Variants in HTR2C observed in about 807,000 individuals in gnomAD.
HTR2C encodes the protein 5-hydroxytryptamine receptor 2C.
In HTR2C, 5 loss-of-function variants were observed where a neutral mutation model predicts 21.0. That is an observed-to-expected ratio of 0.24 (90% CI 0.12 to 0.50). HTR2C has a LOEUF of 0.50. Among genes scored for constraint, HTR2C ranks in the 20% least tolerant of loss-of-function variants. The pLI, the probability that HTR2C is intolerant of heterozygous loss-of-function variation, is 0.98. For synonymous variants in HTR2C, 150 were observed against 145.3 expected, an observed-to-expected ratio of 1.03 and a Z score of -0.23; for missense variants, 271 against 371.2, an observed-to-expected ratio of 0.73 and a Z score of 2.22.
chrX:114,784,599 T>C (rs1032001098), intron 4 of HTR2C, among the ~76,000 whole-genome samples: 3 of 107,593 alleles, frequency 2.8e-5, no homozygotes, highest in African/African-American at 1.0e-4. Flanking sequence ...CACATGGCCT[T>C]CTTCTTGTAC....
At chrX:114,889,381 A>C (rs1210657850) in intron 5 of HTR2C, among the ~76,000 whole-genome samples, 1 of 111,700 alleles carries the variant, frequency 9.0e-6, no homozygotes, top group Non-Finnish European at 1.9e-5. Context: ...CCTTACTTGC[A>C]CAGAGCCTCA....
intron 4 of HTR2C, among the ~76,000 whole-genome samples, chrX:114,814,870 A>C (rs1302235648): frequency 4.0e-5 from 4 of 101,173 alleles, no homozygotes; most frequent in Non-Finnish European, 7.9e-5. Context: ...AGTATATATG[A>C]TATATACTAT....
At chrX:114,652,843 G>A in intron 2 of HTR2C, 1 of 211,324 alleles carries the variant, frequency 4.7e-6, no homozygotes, top group Non-Finnish European at 1.0e-5. Context: ...TAAAGAATTG[G>A]AAAAGGTTAG....
At chrX:114,715,389 G>T (rs1569486480) in intron 2 of HTR2C, 2 of 355,251 alleles carry the variant, frequency 5.6e-6, no homozygotes, top group Admixed American at 2.8e-5. Context: ...AAAGTGAAAA[G>T]TTTGTGATCT....
At chrX:114,605,962 G>A (rs1195171009) in intron 1 of HTR2C, among the ~76,000 whole-genome samples, 2 of 107,584 alleles carry the variant, frequency 1.9e-5, no homozygotes, top group Non-Finnish European at 3.8e-5. Flanking sequence ...ATAAGGGACT[G>A]GGGCACAGAG....
At chrX:114,882,954 T>A (rs2071193226) in intron 5 of HTR2C, among the ~76,000 whole-genome samples, 1 of 110,307 alleles carries the variant, frequency 9.1e-6, no homozygotes, top group South Asian at 3.8e-4. Context: ...CTAATATCTT[T>A]AAATTTTTAT....
chrX:114,823,996 A>C (rs1465277808), intron 4 of HTR2C, among the ~76,000 whole-genome samples: 2 of 112,162 alleles, frequency 1.8e-5, no homozygotes, highest in African/African-American at 6.5e-5. Flanking sequence ...TCTGAGGGTC[A>C]AGGTAAGATA....
At chrX:114,725,122 G>A (rs1231779635) in intron 2 of HTR2C, among the ~76,000 whole-genome samples, 5 of 111,015 alleles carry the variant, frequency 4.5e-5, no homozygotes, top group Non-Finnish European at 7.5e-5. Context: ...TTCCAACTTG[G>A]TTCCATTCTC....
At chrX:114,764,908 TTTCTTTCTTTCTTTC>T (rs1392164651) in intron 4 of HTR2C, among the ~76,000 whole-genome samples, 12 of 69,977 alleles carry the variant, frequency 1.7e-4, no homozygotes, top group African/African-American at 5.7e-4. Flanking sequence ...TCTTTCTTTC[TTTCTTTCTTTCTTTC>T]TTTTCCTTCC....
chrX:114,789,155 C>T (rs1280247858), intron 4 of HTR2C, among the ~76,000 whole-genome samples: 2 of 111,867 alleles, frequency 1.8e-5, no homozygotes, highest in African/African-American at 6.5e-5. Context: ...TTGCTTCACA[C>T]TTTTGGCGCA....
At chrX:114,736,139 T>A (rs1310273207) in intron 4 of HTR2C, among the ~76,000 whole-genome samples, 1 of 109,781 alleles carries the variant, frequency 9.1e-6, no homozygotes, top group Admixed American at 9.7e-5. Context: ...AAAGAAAACA[T>A]AATGCACTTA....
intron 2 of HTR2C, among the ~76,000 whole-genome samples, chrX:114,649,294 G>T (rs1175830292): frequency 1.8e-5 from 2 of 112,191 alleles, no homozygotes; most frequent in Non-Finnish European, 3.8e-5. Flanking sequence ...AGCAGATTTT[G>T]TTACATTTGC....
intron 5 of HTR2C, among the ~76,000 whole-genome samples, chrX:114,881,154 ATCT>A (rs782662825): frequency 1.3e-3 from 147 of 110,980 alleles, no homozygotes; most frequent in African/African-American, 4.6e-3. Flanking sequence ...CCATCTGCAT[ATCT>A]TCTTTGGAGA....
At chrX:114,753,481 G>C (rs2069781805) in intron 4 of HTR2C, among the ~76,000 whole-genome samples, 1 of 111,410 alleles carries the variant, frequency 9.0e-6, no homozygotes. Context: ...ATATATATTA[G>C]AAAGAAAGAA....
At chrX:114,875,319 A>G (rs2071124885) in intron 5 of HTR2C, among the ~76,000 whole-genome samples, 1 of 111,625 alleles carries the variant, frequency 9.0e-6, no homozygotes, top group African/African-American at 3.3e-5. Context: ...CTCCTTATCA[A>G]ACATATGGTT....
At chrX:114,698,454 ACACAAACACACACACACACAAACACG>A (rs1356195917) in intron 2 of HTR2C, among the ~76,000 whole-genome samples, 6 of 30,101 alleles carry the variant, frequency 2.0e-4, no homozygotes, top group South Asian at 4.9e-3. Context: ...ACACACACAC[ACACAAACACACACACACACAAACACG>A]CACACACACA....
intron 5 of HTR2C, among the ~76,000 whole-genome samples, chrX:114,859,936 C>A (rs969363985): frequency 9.0e-6 from 1 of 111,201 alleles, no homozygotes; most frequent in African/African-American, 3.3e-5. Flanking sequence ...TATTTGGAAA[C>A]TTGTAGTTTA....
intron 2 of HTR2C, among the ~76,000 whole-genome samples, chrX:114,620,689 C>T (rs963143082): frequency 2.7e-5 from 3 of 111,461 alleles, no homozygotes; most frequent in Non-Finnish European, 5.6e-5. Context: ...ATGTATTACA[C>T]GGAATTGCAC....
intron 2 of HTR2C, among the ~76,000 whole-genome samples, chrX:114,639,061 C>T (rs1602655245): frequency 9.0e-6 from 1 of 110,916 alleles, no homozygotes; most frequent in Admixed American, 9.6e-5. Flanking sequence ...TTAATGATCT[C>T]GAATATTTCT....
Sources: gnomAD v4.1 joint callset for allele counts (sites outside exome capture counted in the v4.1 genomes callset) on GRCh38, gnomAD v4.1.1 for gene constraint, MANE v1.5 for transcripts, NCBI Gene and HGNC (gene_info 2026-07-23, HGNC 2026-07-21) for gene names.